Variants in TIMM10B observed in about 807,000 individuals in gnomAD.
TIMM10B encodes the protein translocase of inner mitochondrial membrane 10B, also known as mitochondrial import inner membrane translocase subunit Tim10 B.
Under a neutral mutation model 12.6 loss-of-function variants are expected in TIMM10B, and 17 were observed. That is an observed-to-expected ratio of 1.35 (90% CI 0.92 to 2.03). The LOEUF is 2.03. Ranked by LOEUF, TIMM10B falls within the 30% of genes most tolerant of loss-of-function variation. TIMM10B has a pLI of 0.00. For missense variants in TIMM10B, 165 were observed against 133.3 expected, an observed-to-expected ratio of 1.24 and a Z score of -1.17; for synonymous variants, 63 against 51.3, an observed-to-expected ratio of 1.23 and a Z score of -0.97.
At position 6,482,287 on chromosome 11, in the gene TIMM10B, G is replaced by GGAA; in HGVS notation, c.*67_*68insAAG. ...CAGATTGAAGGACCCGGTGGACCTT[G>GGAA]GGGTTGGTGAATCCTAAACAGAGAG... On this transcript the variant is annotated 3_prime_UTR_variant, in exon 3 of 3. Coordinates refer to ENST00000254616, the MANE Select transcript of TIMM10B (RefSeq NM_012192.4). 1 of 1,459,832 alleles carries GGAA rather than the reference G, an allele frequency of 6.9e-7. No homozygotes were observed. The highest frequency in any genetic ancestry group is 9.3e-7 in the Non-Finnish European group (1 of 1,079,684). The allele number at this position is 1,459,832 out of a possible 1,614,324, so 90.4% of individuals were successfully genotyped here.
chr11:6,481,859 A>G lies in TIMM10B; in HGVS notation c.135+7A>G. On this transcript the variant is annotated splice_region_variant and intron_variant, in intron 2 of 2. Transcript: ENST00000254616. ...AGCTCTGGACGCTGAGGAGGTGGGG[A>G]ACTGTGTAGGGAGGTTACGCTGCAA... 6.2e-7 allele frequency: 1 copy of G among 1,613,416 alleles called. No individual in the cohort carries two copies.
rs1851822878 is a variant in TIMM10B, at chr11:6,482,216, A to G, written c.307A>G (p.Ser103Gly). ...ACAGCCTGGGGTCTCTCCATCAGGC[A>G]GCTAGCCATACCCAACCCCAGGAAG... ...AEQPGVSPSG[S>G] Residue 103 changes from serine to glycine, a missense_variant, in exon 3 of 3, where the codon AGC becomes GGC. Transcript: ENST00000254616. 1 of 1,602,396 alleles carries G rather than the reference A, an allele frequency of 6.2e-7. No homozygotes were observed. Among genetic ancestry groups the G allele is most frequent in the Admixed American group, 1.7e-5 (1 of 59,904 alleles).
chr11:6,483,103 G>A lies in TIMM10B; in HGVS notation c.*882G>A, dbSNP rs528660300. 6.6e-6 allele frequency: 1 copy of A among 152,368 alleles called. No homozygotes were observed. The highest frequency in any genetic ancestry group is 6.5e-5 in the Admixed American group (1 of 15,302). The allele number at this position is 152,368 out of a possible 1,614,324, so 9.4% of individuals were successfully genotyped here. A position where few individuals can be genotyped will look rare whatever the true frequency, so the allele number is the denominator to read the frequency against. ...TCACGGGCAATCAGGAAGGGAGAGAGCTGGGGACCATATTCTGCAATGCAG... is the reference window on the plus strand; with the variant it reads ...TCACGGGCAATCAGGAAGGGAGAGAACTGGGGACCATATTCTGCAATGCAG... On this transcript the variant is annotated 3_prime_UTR_variant, in exon 3 of 3. Transcript: ENST00000254616.
At chr11:6,481,918 C>T (rs190145549) in intron 2 of TIMM10B, 66 bp downstream of exon 2, 2 of 1,604,710 alleles carry the variant, frequency 1.2e-6, no homozygotes, top group East Asian at 4.5e-5. Flanking sequence ...TCCCTCCTCA[C>T]CCCACTTCCC....
rs1325465962 is a variant in TIMM10B, at chr11:6,482,203, C to G, written c.294C>G (p.Val98=). Residue 98 remains valine (V), a synonymous_variant, in exon 3 of 3, where the codon GTC becomes GTG. Transcript: ENST00000254616. ...VPGVAAEQPG[V]SPSGS ...GCGTTGCTGCTGAACAGCCTGGGGT[C>G]TCTCCATCAGGCAGCTAGCCATACC... The G allele has an allele frequency of 6.2e-7, 1 of 1,607,676 alleles. No individual in the cohort carries two copies. The highest frequency in any genetic ancestry group is 8.5e-7 in the Non-Finnish European group (1 of 1,179,220).
chr11:6,481,821 G>C lies in TIMM10B; in HGVS notation c.104G>C (p.Ser35Thr), dbSNP rs1486445563. ...TELCFQRCVP[S>T]LHHRALDAEE... is the part of the protein sequence containing the mutation. ...CTCTGCTTCCAGCGCTGTGTGCCCA[G>C]CTTGCACCACCGAGCTCTGGACGCT... is the stretch of plus-strand genomic sequence containing the variant. Residue 35 changes from serine (S) to threonine (T), a missense_variant, in exon 2 of 3, where the codon AGC (serine) becomes ACC (threonine). By Grantham distance (58) the Ser-to-Thr change is moderately conservative (BLOSUM62 1). Coordinates refer to ENST00000254616, the MANE Select transcript of TIMM10B (RefSeq NM_012192.4). 6.2e-7 allele frequency: 1 copy of C among 1,613,814 alleles called. No individual in the cohort carries two copies. Among genetic ancestry groups the C allele is most frequent in the South Asian group, 1.1e-5 (1 of 91,064 alleles).
chr11:6,481,699 C>T, intron 1 of TIMM10B, 58 bp from the exon 2 acceptor site: 2 of 1,610,618 alleles, frequency 1.2e-6, no homozygotes, highest in Non-Finnish European at 1.7e-6. Flanking sequence ...GGCGGCGCGA[C>T]CTTGACTAGA....
intron 1 of TIMM10B, 82 bp downstream of exon 1, chr11:6,481,637 G>A (rs1003881127): frequency 5.7e-6 from 9 of 1,575,628 alleles, no homozygotes; most frequent in Non-Finnish European, 7.8e-6. Context: ...CAGGGCCAGG[G>A]ATTTGAGGGC....
rs901413639 is a variant in TIMM10B, at chr11:6,481,667, C to T, written c.40-90C>T. 1.6e-5 allele frequency: 26 copies of T among 1,591,316 alleles called. No homozygotes were observed. The African/African-American group carries it at 2.7e-4, about 16-fold the overall frequency. ...GAGGGCTGGAAACTTCGGGCTATGG[C>T]GCGCGGGCCTGGGAAACTTTGGGCG... is the stretch of plus-strand genomic sequence containing the variant. On this transcript the variant is annotated intron_variant, in intron 1 of 2. Transcript: ENST00000254616.
chr11:6,483,315 C>G lies in TIMM10B; in HGVS notation c.*1094C>G, dbSNP rs1444630290. The G allele has an allele frequency of 6.6e-6, 1 of 152,222 alleles. No individual in the cohort carries two copies. Among genetic ancestry groups the G allele is most frequent in the African/African-American group, 2.4e-5 (1 of 41,446 alleles). 9.4% of individuals were successfully genotyped at this position (152,222 alleles called of 1,614,324 possible). ...TCCCATTGAGTACATTCTGTGATTT[C>G]TAATTCCAGCCTCTCCATTCTTTTC... On this transcript the variant is annotated 3_prime_UTR_variant, in exon 3 of 3. Coordinates refer to ENST00000254616, the MANE Select transcript of TIMM10B (RefSeq NM_012192.4).
chr11:6,482,529 A>G lies in TIMM10B; in HGVS notation c.*308A>G, dbSNP rs1371392974. 1 of 341,478 alleles carries G rather than the reference A, an allele frequency of 2.9e-6. No homozygotes were observed. Among genetic ancestry groups the G allele is most frequent in the Non-Finnish European group, 5.5e-6 (1 of 180,304 alleles). 21.2% of individuals were successfully genotyped at this position (341,478 alleles called of 1,614,324 possible). On this transcript the variant is annotated 3_prime_UTR_variant, in exon 3 of 3. Coordinates refer to ENST00000254616, the MANE Select transcript of TIMM10B (RefSeq NM_012192.4). Reference sequence around the variant, plus strand: ...GTAGAAGGAAAACCTGAGCATTTGCAGGCATCTGGTTAAAGCAGGGTCTGT... The same window carrying G: ...GTAGAAGGAAAACCTGAGCATTTGCGGGCATCTGGTTAAAGCAGGGTCTGT...
chr11:6,483,063 T>G lies in TIMM10B; in HGVS notation c.*842T>G, dbSNP rs1204719682. 6.6e-6 allele frequency: 1 copy of G among 152,140 alleles called. No individual in the cohort carries two copies. The highest frequency in any genetic ancestry group is 6.5e-5 in the Admixed American group (1 of 15,280). 9.4% of individuals were successfully genotyped at this position (152,140 alleles called of 1,614,324 possible). A position where few individuals can be genotyped will look rare whatever the true frequency, so the allele number is the denominator to read the frequency against. Reference sequence around the variant, plus strand: ...GAGCAGTAAAACCTTTGAACAAAGGTCTGTGTGGTTGTCTTCACGGGCAAT... The same window carrying G: ...GAGCAGTAAAACCTTTGAACAAAGGGCTGTGTGGTTGTCTTCACGGGCAAT... On this transcript the variant is annotated 3_prime_UTR_variant, in exon 3 of 3. Coordinates refer to ENST00000254616, the MANE Select transcript of TIMM10B (RefSeq NM_012192.4).
In TIMM10B at chr11:6,481,814, G is replaced by T; in HGVS notation, c.97G>T (p.Val33Leu). ...GACAGAACTCTGCTTCCAGCGCTGT[G>T]TGCCCAGCTTGCACCACCGAGCTCT... ...RMTELCFQRC[V>L]PSLHHRALDA... is the part of the protein sequence containing the mutation. Residue 33 changes from valine (V) to leucine (L), a missense_variant, in exon 2 of 3, where the codon GTG (valine) becomes TTG (leucine). Transcript: ENST00000254616. 6.2e-7 allele frequency: 1 copy of T among 1,613,918 alleles called. No individual in the cohort carries two copies. Among genetic ancestry groups the T allele is most frequent in the Non-Finnish European group, 8.5e-7 (1 of 1,179,994 alleles).
chr11:6,481,705 C>T, intron 1 of TIMM10B, 52 bp from the exon 2 acceptor site: 3 of 1,612,600 alleles, frequency 1.9e-6, no homozygotes, highest in Admixed American at 1.7e-5. Flanking sequence ...GCGACCTTGA[C>T]TAGAAGTGTG....
Sources: allele counts gnomAD v4.1 joint callset, GRCh38; gene constraint gnomAD v4.1.1; transcripts MANE v1.5; gene names NCBI Gene and HGNC (gene_info 2026-07-23, HGNC 2026-07-21).